The following GIT2 variants were observed in gnomAD, a reference collection of about 807,000 sequenced individuals.
The protein encoded by GIT2 is GIT ArfGAP 2, also known as ARF GTPase-activating protein GIT2.
A neutral mutation model predicts 100.3 loss-of-function variants in GIT2; 32 were observed. The observed-to-expected ratio is 0.32, with a 90% CI of 0.24 to 0.43. The LOEUF (loss-of-function observed/expected upper bound fraction) is 0.43. Ranked by LOEUF, GIT2 falls within the 20% of genes least tolerant of loss-of-function variation. GIT2 has a pLI of 1.00. For missense variants in GIT2, 737 were observed against 975.1 expected (o/e 0.76, Z 3.25); for synonymous variants, 353 against 364.1 (o/e 0.97, Z 0.35).
Position 109,932,778 on chromosome 12 carries a change from T to C in GIT2, c.*200A>G. ...GAACATCAGAAACTAAACCAGCAAA[T>C]AGGCACAAAATAAGGCAAGTGGGTT... On this transcript the variant is annotated 3_prime_UTR_variant, in exon 20 of 20. Coordinates refer to ENST00000355312, the MANE Select transcript of GIT2 (RefSeq NM_057169.5). 1 of 544,900 alleles carries C rather than the reference T, an allele frequency of 1.8e-6. No homozygotes were observed. The highest frequency in any genetic ancestry group is 2.3e-5 in the South Asian group (1 of 44,444). 33.8% of individuals were successfully genotyped at this position (544,900 alleles called of 1,614,324 possible).
At chr12:109,959,364 G>A (rs1467832019) in intron 12 of GIT2, among the ~76,000 whole-genome samples, 3 of 152,050 alleles carry the variant, frequency 2.0e-5, no homozygotes, top group South Asian at 2.1e-4. Flanking sequence ...CACCACGCCC[G>A]GCCAAGAAGA....
intron 7 of GIT2, among the ~76,000 whole-genome samples, chr12:109,968,939 G>A (rs928294086): frequency 6.6e-6 from 1 of 151,828 alleles, no homozygotes; most frequent in Admixed American, 6.6e-5. Context: ...GCCTAGGCTG[G>A]TCTCAAACTC....
At chr12:109,996,121 G>C in intron 1 of GIT2, 52 bp downstream of exon 1, 1 of 1,214,064 alleles carries the variant, frequency 8.2e-7, no homozygotes, top group Non-Finnish European at 1.1e-6. Flanking sequence ...CCCCGGGGTA[G>C]GGGTCCGGGC....
In GIT2 at chr12:109,948,750, G is replaced by A; in HGVS notation, c.1393-1246C>T. ...TCAGTAGCAAACCCATTCAATGTTA[G>A]GAGTTACTTTCAATTTTTATTTAGA... On this transcript the variant is annotated intron_variant, in intron 14 of 19. Transcript: ENST00000355312. This position sits in a 1 kb window ranked among gnomAD's most constrained non-coding sequence, Gnocchi z 4.3. 7 of 1,568,046 alleles carry A rather than the reference G, an allele frequency of 4.5e-6. No homozygotes were observed. The highest frequency in any genetic ancestry group is 6.0e-6 in the Non-Finnish European group (7 of 1,161,928).
At chr12:109,956,209 C>T (rs762169806) in intron 12 of GIT2, among the ~76,000 whole-genome samples, 15 of 152,152 alleles carry the variant, frequency 9.9e-5, no homozygotes, top group Non-Finnish European at 1.9e-4. Flanking sequence ...GGATTACAGG[C>T]GTGAGCCACT....
chr12:109,967,909 G>A (rs1882902285), intron 7 of GIT2, among the ~76,000 whole-genome samples: 1 of 152,138 alleles, frequency 6.6e-6, no homozygotes, highest in African/African-American at 2.4e-5. Flanking sequence ...AACAGCTAGG[G>A]CTGGGACAGG....
At chr12:109,999,173 T>G (rs1463011007), upstream of GIT2, 1 of 152,452 alleles carries the variant, frequency 6.6e-6, no homozygotes, top group Non-Finnish European at 1.5e-5. The surrounding 1 kb of genome is among the most constrained non-coding windows in gnomAD (Gnocchi z 4.3). Context: ...GGCCCAGTTG[T>G]GGACCGAACC....
intron 12 of GIT2, among the ~76,000 whole-genome samples, chr12:109,958,001 G>A (rs555755702): frequency 1.7e-4 from 25 of 151,404 alleles, no homozygotes; most frequent in African/African-American, 5.8e-4. Flanking sequence ...CTGGAGTGCA[G>A]TGGCACAATC....
At chr12:109,938,254 T>C (rs1032699251) in intron 18 of GIT2, 126 bp downstream of exon 18, 3 of 652,972 alleles carry the variant, frequency 4.6e-6, no homozygotes, top group Admixed American at 2.8e-5. Flanking sequence ...GCCTGTTATG[T>C]AGACTTGTTT....
chr12:109,990,159 C>T (rs888982231), intron 2 of GIT2, among the ~76,000 whole-genome samples: 1 of 152,150 alleles, frequency 6.6e-6, no homozygotes, highest in Non-Finnish European at 1.5e-5. Flanking sequence ...TAATATTTGT[C>T]TTTAAAGCCA....
chr12:109,972,831 A>AT (rs563647907), intron 7 of GIT2, among the ~76,000 whole-genome samples: 24 of 149,854 alleles, frequency 1.6e-4, no homozygotes, highest in South Asian at 8.5e-4. Context: ...ATTTTTCTCT[A>AT]TTTTTTTTTG....
In GIT2 at chr12:109,996,236, C is replaced by G; in HGVS notation, c.-12G>C. The G allele has an allele frequency of 6.5e-7, 1 of 1,527,220 alleles. No individual in the cohort carries two copies. Among genetic ancestry groups the G allele is most frequent in the East Asian group, 2.6e-5 (1 of 38,264 alleles). 94.6% of individuals were successfully genotyped at this position (1,527,220 alleles called of 1,614,324 possible). On this transcript the variant is annotated 5_prime_UTR_variant, in exon 1 of 20. Transcript: ENST00000355312. ...AGCCGTTTCGACATGGCTCCCACCT[C>G]CCACCTGCGGGGAACTAGAGGCCGG...
chr12:109,965,535 TTTC>T lies in GIT2; in HGVS notation c.804_806del (p.Lys269del). On this transcript the variant is annotated inframe_deletion, in exon 9 of 20. Coordinates refer to ENST00000355312, the MANE Select transcript of GIT2 (RefSeq NM_057169.5). The stretch of plus-strand genomic sequence containing the variant: ...ACAGAGAAATACTCACAGATTGAAG[TTTC>T]TTCTTAGCAGCTTTTGCCAATTCAG... 6.3e-7 allele frequency: 1 copy of T among 1,590,722 alleles called. No homozygotes were observed. The highest frequency in any genetic ancestry group is 8.6e-7 in the Non-Finnish European group (1 of 1,160,896).
chr12:109,975,473 T>C (rs1884825921), intron 7 of GIT2, among the ~76,000 whole-genome samples: 1 of 152,196 alleles, frequency 6.6e-6, no homozygotes, highest in African/African-American at 2.4e-5. Flanking sequence ...TCAGGCTCCC[T>C]GAAGTGTTGG....
rs1021049326 is a variant in GIT2, at chr12:109,983,261, C to T, written c.623+112G>A. On this transcript the variant is annotated intron_variant, in intron 6 of 19. Transcript: ENST00000355312. ...TGTCTTCATCTGTAAAATAAAATAA[C>T]GTACATCTTTAAAGGGGTTCAATAT... The T allele has an allele frequency of 2.7e-5, 26 of 946,762 alleles. No homozygotes were observed. The African/African-American group carries it at 4.1e-4, about 15-fold the overall frequency. 58.6% of individuals were successfully genotyped at this position (946,762 alleles called of 1,614,324 possible). A position where few individuals can be genotyped will look rare whatever the true frequency, so the allele number is the denominator to read the frequency against.
chr12:109,998,436 A>G (rs1889749919), upstream of GIT2: 1 of 152,274 alleles, frequency 6.6e-6, no homozygotes, highest in Admixed American at 6.5e-5. Context: ...AATGCATTAA[A>G]TAGCTTCATC....
intron 18 of GIT2, among the ~76,000 whole-genome samples, chr12:109,937,743 C>G (rs1873445173): frequency 6.6e-6 from 1 of 152,142 alleles, no homozygotes; most frequent in Non-Finnish European, 1.5e-5. Context: ...GCTATTGTTG[C>G]CCAGGCTGGA....
At chr12:109,971,716 G>A (rs1279016325) in intron 7 of GIT2, among the ~76,000 whole-genome samples, 2 of 151,862 alleles carry the variant, frequency 1.3e-5, no homozygotes, top group African/African-American at 2.4e-5. Context: ...TTTTTGGCAG[G>A]GTGCGGTGGC....
chr12:109,953,869 C>G (rs1878593187), intron 12 of GIT2: 1 of 152,120 alleles, frequency 6.6e-6, no homozygotes, highest in Non-Finnish European at 1.5e-5. Context: ...AGAGATAGAG[C>G]CTAGCTCCAG....
Sources: allele counts gnomAD v4.1 joint callset (sites outside exome capture counted in the v4.1 genomes callset), GRCh38; gene constraint gnomAD v4.1.1; non-coding constraint Gnocchi (gnomAD v3.1); transcripts MANE v1.5; gene names NCBI Gene and HGNC (gene_info 2026-07-23, HGNC 2026-07-21).